The following BPNT1 variants were observed in gnomAD, a reference collection of about 807,000 sequenced individuals.
BPNT1 encodes the protein 3'(2'),5'-bisphosphate nucleotidase 1.
Under a neutral mutation model 36.9 loss-of-function variants are expected in BPNT1, and 28 were observed. That is an observed-to-expected ratio of 0.76 (90% CI 0.56 to 1.04). The LOEUF (loss-of-function observed/expected upper bound fraction) is 1.04. Ranked by LOEUF, BPNT1 falls within the 50% of genes least tolerant of loss-of-function variation. The pLI is 0.00. For synonymous variants in BPNT1, 119 were observed against 130.9 expected (o/e 0.91, Z 0.62); for missense variants, 313 against 372.9 (o/e 0.84, Z 1.32).
Position 220,058,914 on chromosome 1 carries a change from G to A in BPNT1, c.857C>T (p.Ala286Val), listed in dbSNP as rs562183462. ...ATAGTAGTCATAATTCCTCAGTGTGGCCAGGACTCCTGCAGAGTTCATATG... is the reference window on the plus strand; with the variant it reads ...ATAGTAGTCATAATTCCTCAGTGTGACCAGGACTCCTGCAGAGTTCATATG... ...VKHMNSAGVL[A>V]TLRNYDYYAS... Residue 286 changes from alanine (A) to valine (V), a missense_variant, in exon 9 of 9, where the codon GCC becomes GTC. Ala to Val is a moderately conservative substitution (Grantham distance 64, BLOSUM62 0). Transcript: ENST00000322067. The A allele has an allele frequency of 8.1e-6, 13 of 1,613,708 alleles. No individual in the cohort carries two copies. In the South Asian group the frequency reaches 1.2e-4, roughly 15 times the overall value.
At chr1:220,088,486 A>T (rs946057054) in intron 1 of BPNT1, among the ~76,000 whole-genome samples, 1 of 150,282 alleles carries the variant, frequency 6.7e-6, no homozygotes, top group African/African-American at 2.4e-5. Flanking sequence ...CTCAAAAAAA[A>T]AAAAAAAAAA....
At position 220,058,534 on chromosome 1, in the gene BPNT1, G is replaced by GTTT; in HGVS notation, c.*307_*309dup. ...AACTTTAAGTACTTTTTGGGTTTTTGTTTTTTTTTTTTCTGAGACAGGGCT... is the reference window on the plus strand; with the variant it reads ...AACTTTAAGTACTTTTTGGGTTTTTGTTTTTTTTTTTTTTTCTGAGACAGGGCT... On this transcript the variant is annotated 3_prime_UTR_variant, in exon 9 of 9. Transcript: ENST00000322067. 1.5e-5 allele frequency: 13 copies of GTTT among 850,864 alleles called. No homozygotes were observed. Among genetic ancestry groups the GTTT allele is most frequent in the African/African-American group, 1.9e-5 (1 of 53,630 alleles). The allele number at this position is 850,864 out of a possible 1,614,324, so 52.7% of individuals were successfully genotyped here.
chr1:220,077,785 C>A lies in BPNT1; in HGVS notation c.120+1942G>T, dbSNP rs141577233. Among the ~76,000 whole-genome samples, 431 of 152,082 alleles carry A rather than the reference C, an allele frequency of 2.8e-3. 3 individuals are homozygous for A. The highest frequency in any genetic ancestry group is 9.5e-3 in the African/African-American group (393 of 41,482). On this transcript the variant is annotated intron_variant, in intron 2 of 8. Coordinates refer to ENST00000322067, the MANE Select transcript of BPNT1 (RefSeq NM_006085.6). ...TGACTTAACTCACTCTATTTTAAAT[C>A]GTTAAAGTGCTAATGATAAATCATA...
intron 2 of BPNT1, among the ~76,000 whole-genome samples, 160 bp from the exon 3 acceptor site, chr1:220,074,231 C>T (rs1450775193): frequency 6.6e-6 from 1 of 152,156 alleles, no homozygotes; most frequent in Non-Finnish European, 1.5e-5. Context: ...CTTGGTTTTT[C>T]TCAAAGGATT....
At chr1:220,063,035 T>G (rs921087504) in intron 6 of BPNT1, 81 bp from the exon 7 acceptor site, 2 of 1,423,674 alleles carry the variant, frequency 1.4e-6, no homozygotes, top group Non-Finnish European at 2.0e-6. Flanking sequence ...TCAGTTATAT[T>G]AGCATCATGA....
chr1:220,088,848 C>A (rs2102798929), intron 1 of BPNT1, among the ~76,000 whole-genome samples: 1 of 150,282 alleles, frequency 6.7e-6, no homozygotes, highest in South Asian at 2.1e-4. Flanking sequence ...GCCTGTAATC[C>A]CAGCACTTTG....
chr1:220,072,206 CA>C (rs1216641900), intron 4 of BPNT1, among the ~76,000 whole-genome samples: 5 of 150,956 alleles, frequency 3.3e-5, no homozygotes, highest in South Asian at 2.1e-4. Flanking sequence ...ACTAAAAATA[CA>C]AAAAAATTAG....
chr1:220,069,537 T>A, intron 4 of BPNT1, 105 bp from the exon 5 acceptor site: 1 of 774,242 alleles, frequency 1.3e-6, no homozygotes, highest in Non-Finnish European at 2.0e-6. Flanking sequence ...TTTGAAATTG[T>A]ATTATGGATG....
rs137882817 is a variant in BPNT1, at chr1:220,067,898, G to A, written c.383-505C>T. Among the ~76,000 whole-genome samples the A allele has an allele frequency of 2.3e-4, 35 of 152,192 alleles. No homozygotes were observed. In the East Asian group the frequency reaches 6.6e-3, roughly 29 times the overall value. On this transcript the variant is annotated intron_variant, in intron 5 of 8. Coordinates refer to ENST00000322067, the MANE Select transcript of BPNT1 (RefSeq NM_006085.6). ...ACTAGTGAATCAAAATCTGAGAGTGGGGGACAAGACCTAAATAAGCTTTCT... is the reference window on the plus strand; with the variant it reads ...ACTAGTGAATCAAAATCTGAGAGTGAGGGACAAGACCTAAATAAGCTTTCT...
At chr1:220,085,229 C>CG (rs1381191464) in intron 1 of BPNT1, among the ~76,000 whole-genome samples, 5 of 152,196 alleles carry the variant, frequency 3.3e-5, no homozygotes, top group Non-Finnish European at 7.3e-5. Flanking sequence ...CCCAAACTAG[C>CG]TACAGGCAAG....
intron 2 of BPNT1, among the ~76,000 whole-genome samples, chr1:220,076,174 C>A (rs1054881886): frequency 1.3e-5 from 2 of 151,894 alleles, no homozygotes; most frequent in Non-Finnish European, 2.9e-5. Context: ...CGAGACCAGC[C>A]TGACCAACAT....
In BPNT1 at chr1:220,062,833, C is replaced by T; in HGVS notation, c.596G>A (p.Ser199Asn). The change falls in exon 7 of 9, where the codon AGC (serine) becomes AAC (asparagine). Residue 199 changes from serine (S) to asparagine (N), a missense_variant. By Grantham distance (46) the Ser-to-Asn change is conservative (BLOSUM62 1). Transcript: ENST00000322067. ...KHIITTTRSH[S>N]NKLVTDCVAA... ...AACACAGTCAGTAACCAACTTGTTG[C>T]TATGGGATCGAGTAGTTGTGATAAT... 1 of 1,614,172 alleles carries T rather than the reference C, an allele frequency of 6.2e-7. No homozygotes were observed. The highest frequency in any genetic ancestry group is 8.5e-7 in the Non-Finnish European group (1 of 1,180,032).
chr1:220,078,594 CAT>C (rs957959788), intron 2 of BPNT1, among the ~76,000 whole-genome samples: 11 of 141,736 alleles, frequency 7.8e-5, no homozygotes, highest in South Asian at 2.1e-4. Flanking sequence ...TAATAACACA[CAT>C]ATATATATAT....
intron 4 of BPNT1, 98 bp from the exon 5 acceptor site, chr1:220,069,530 G>T: frequency 1.1e-6 from 1 of 880,650 alleles, no homozygotes; most frequent in Non-Finnish European, 1.7e-6. Flanking sequence ...TTTCCTGTTT[G>T]AAATTGTATT....
Position 220,058,998 on chromosome 1 carries a change from G to A in BPNT1, c.779-6C>T. ...ATGGATATCGGTTAACTTGCCTATA[G>A]AAAAACATCAATCAATCAATCAAGT... On this transcript the variant is annotated splice_region_variant and splice_polypyrimidine_tract_variant and intron_variant, in intron 8 of 8. Transcript: ENST00000322067. 1.9e-6 allele frequency: 3 copies of A among 1,612,726 alleles called. No homozygotes were observed. Among genetic ancestry groups the A allele is most frequent in the Non-Finnish European group, 2.5e-6 (3 of 1,179,380 alleles).
At chr1:220,071,071 AG>A (rs1464957715) in intron 4 of BPNT1, among the ~76,000 whole-genome samples, 3 of 150,164 alleles carry the variant, frequency 2.0e-5, no homozygotes, top group Non-Finnish European at 4.4e-5. Flanking sequence ...TGGGAGGCGG[AG>A]GTTGGTCTCG....
intron 2 of BPNT1, among the ~76,000 whole-genome samples, chr1:220,074,587 C>A (rs1664374512): frequency 6.6e-6 from 1 of 151,942 alleles, no homozygotes; most frequent in African/African-American, 2.4e-5. Context: ...ACTCTGCCTC[C>A]TGGGTTCAAG....
At chr1:220,060,598 C>G (rs1419023247) in intron 7 of BPNT1, among the ~76,000 whole-genome samples, 3 of 152,166 alleles carry the variant, frequency 2.0e-5, no homozygotes, top group African/African-American at 7.2e-5. Flanking sequence ...TGCAATGTGA[C>G]TAGTCTAACA....
intron 7 of BPNT1, among the ~76,000 whole-genome samples, chr1:220,060,399 C>A (rs893701159): frequency 6.6e-6 from 1 of 152,076 alleles, no homozygotes; most frequent in Non-Finnish European, 1.5e-5. Context: ...TCGTTTGAAC[C>A]TGGGAGGTGG....
Sources: gnomAD v4.1 joint callset for allele counts (sites outside exome capture counted in the v4.1 genomes callset) on GRCh38, gnomAD v4.1.1 for gene constraint, MANE v1.5 for transcripts, NCBI Gene and HGNC (gene_info 2026-07-23, HGNC 2026-07-21) for gene names.